KRT77: variants seen among roughly 807,000 people sequenced by gnomAD.
KRT77 encodes the protein keratin, type II cytoskeletal 1b.
KRT77 carries 44 observed loss-of-function variants against 51.5 expected under a neutral mutation model. That is an observed-to-expected ratio of 0.85 (90% CI 0.67 to 1.10). The LOEUF (loss-of-function observed/expected upper bound fraction) is 1.10, where lower values mean the gene tolerates loss of function less well. Ranked by LOEUF, KRT77 falls within the 50% of genes least tolerant of loss-of-function variation. KRT77 has a pLI of 0.00. For missense variants in KRT77, 763 were observed against 743.9 expected, an observed-to-expected ratio of 1.03 and a Z score of -0.30; for synonymous variants, 293 against 302.0, an observed-to-expected ratio of 0.97 and a Z score of 0.31.
Position 52,694,810 on chromosome 12 carries a change from G to T in KRT77, c.916-20C>A. ...CAGCTCCTGCGAGGCATGGCGCACA[G>T]GCTGACTCCTTCCATTCTCCTCTGG... On this transcript the variant is annotated intron_variant, in intron 4 of 8. Coordinates refer to ENST00000341809, the MANE Select transcript of KRT77 (RefSeq NM_175078.3). 1.9e-6 allele frequency: 3 copies of T among 1,582,378 alleles called. No individual in the cohort carries two copies. Among genetic ancestry groups the T allele is most frequent in the Non-Finnish European group, 2.6e-6 (3 of 1,157,692 alleles).
rs756374878 is a variant in KRT77 at position 52,690,092 on chromosome 12, G to C, written c.*1073C>G. 6.6e-6 allele frequency: 1 copy of C among 152,206 alleles called. No individual in the cohort carries two copies. The highest frequency in any genetic ancestry group is 1.9e-4 in the East Asian group (1 of 5,204). The allele number at this position is 152,206 out of a possible 1,614,324, so 9.4% of individuals were successfully genotyped here. On this transcript the variant is annotated 3_prime_UTR_variant, in exon 9 of 9. Coordinates refer to ENST00000341809, the MANE Select transcript of KRT77 (RefSeq NM_175078.3). ...TCAGATCCTCAGACTCCTCAGGCCC[G>C]AGGCACCTGGATGGAACAGAGCTGG...
intron 1 of KRT77, among the ~76,000 whole-genome samples, chr12:52,702,449 T>C (rs1193460416): frequency 6.6e-6 from 1 of 151,498 alleles, no homozygotes; most frequent in Admixed American, 6.6e-5. Flanking sequence ...AAATGGATTG[T>C]GTGGATGGGT....
rs1448286960 is a variant in KRT77 at position 52,693,872 on chromosome 12, A to T, written c.1080+754T>A. On this transcript the variant is annotated intron_variant, in intron 5 of 8. Transcript: ENST00000341809. ...GCCAACATGGCAAAACCCTGCCACT[A>T]CTAAAAATACAAAAATTAGCTTGGT... Among the ~76,000 whole-genome samples the T allele has an allele frequency of 1.3e-5, 2 of 151,364 alleles. 1 individual carries two copies. Among genetic ancestry groups the T allele is most frequent in the Non-Finnish European group, 3.0e-5 (2 of 67,524 alleles).
Position 52,696,447 on chromosome 12 carries a change from A to G in KRT77, c.759-17T>C. ...TCCTCATACCTGTCAGGCGAGGCAA[A>G]GGAGCACAGAAAGGCTGCAGGCTGA... On this transcript the variant is annotated splice_polypyrimidine_tract_variant and intron_variant, in intron 2 of 8. Coordinates refer to ENST00000341809, the MANE Select transcript of KRT77 (RefSeq NM_175078.3). The G allele has an allele frequency of 1.2e-6, 2 of 1,612,986 alleles. No individual in the cohort carries two copies. The highest frequency in any genetic ancestry group is 1.7e-6 in the Non-Finnish European group (2 of 1,178,936).
Position 52,703,042 on chromosome 12 carries a change from A to T in KRT77, c.393T>A (p.Cys131Ter). The change falls in exon 1 of 9, where the codon TGT becomes TGA. Residue 131 changes from cysteine to a stop codon, truncating the protein, a stop_gained. Coordinates refer to ENST00000341809, the MANE Select transcript of KRT77 (RefSeq NM_175078.3). LOFTEE classifies it high-confidence loss of function. ...NFGLGGFGPY[C>*]PPGGIQEVTI... ...TCACCTCTTGGATGCCCCCAGGAGG[A>T]CAATAAGGACCAAAGCCCCCAAGCC... 1 of 1,613,858 alleles carries T rather than the reference A, an allele frequency of 6.2e-7. No homozygotes were observed.
intron 5 of KRT77, among the ~76,000 whole-genome samples, chr12:52,694,059 A>T (rs971973542): frequency 2.6e-5 from 4 of 151,924 alleles, no homozygotes; most frequent in Non-Finnish European, 5.9e-5. Context: ...AAGTAAAAAA[A>T]ATATATTTTA....
chr12:52,701,029 C>T (rs1297243592), intron 1 of KRT77, among the ~76,000 whole-genome samples: 2 of 152,204 alleles, frequency 1.3e-5, no homozygotes, highest in East Asian at 1.9e-4. Context: ...CCATGCCCTT[C>T]GAAGGACAGG....
Position 52,691,923 on chromosome 12 carries a change from G to A in KRT77, c.1462+15C>T. The stretch of plus-strand genomic sequence containing the variant: ...CACCACCAGCCTCTCTCTGCCCCTG[G>A]GCTCTGCTACTTACAGATGCTCACA... On this transcript the variant is annotated intron_variant, in intron 8 of 8. Coordinates refer to ENST00000341809, the MANE Select transcript of KRT77 (RefSeq NM_175078.3). The A allele has an allele frequency of 3.1e-6, 5 of 1,613,822 alleles. No individual in the cohort carries two copies. Among genetic ancestry groups the A allele is most frequent in the Non-Finnish European group, 4.2e-6 (5 of 1,180,026 alleles).
chr12:52,701,008 G>A (rs1356305583), intron 1 of KRT77, among the ~76,000 whole-genome samples: 1 of 152,184 alleles, frequency 6.6e-6, no homozygotes, highest in African/African-American at 2.4e-5. Flanking sequence ...TCTCCTCATA[G>A]TCATCATAGG....
At chr12:52,699,058 C>T (rs1941844805) in intron 1 of KRT77, among the ~76,000 whole-genome samples, 1 of 152,186 alleles carries the variant, frequency 6.6e-6, no homozygotes, top group African/African-American at 2.4e-5. Flanking sequence ...GACAACACAA[C>T]CTCCCATGGC....
At chr12:52,697,338 T>C (rs1198566340) in intron 2 of KRT77, among the ~76,000 whole-genome samples, 1 of 152,206 alleles carries the variant, frequency 6.6e-6, no homozygotes, top group Non-Finnish European at 1.5e-5. Context: ...ACAAGGAAGG[T>C]TCTTGCTATT....
rs1941764268 is a variant in KRT77 at position 52,694,628 on chromosome 12, T to C, written c.1078A>G (p.Lys360Glu). Residue 360 changes from lysine (K) to glutamate (E), a missense_variant and splice_region_variant, in exon 5 of 9, where the codon AAG becomes GAG. Physicochemically the swap from Lys to Glu is moderately conservative, Grantham distance 56. Coordinates refer to ENST00000341809, the MANE Select transcript of KRT77 (RefSeq NM_175078.3). ...KDEAEALYQTKYQELQITAGR... is the reference protein window; with the variant it reads ...KDEAEALYQTEYQELQITAGR... ...CCAGATCTGGGGGCCACGCCCACCT[T>C]GGTCTGGTACAGGGCTTCGGCCTCG... 1.9e-6 allele frequency: 3 copies of C among 1,594,288 alleles called. No homozygotes were observed. The highest frequency in any genetic ancestry group is 2.6e-6 in the Non-Finnish European group (3 of 1,167,600).
At chr12:52,695,741 G>T (rs764078411) in intron 4 of KRT77, 31 bp downstream of exon 4, 1 of 1,481,366 alleles carries the variant, frequency 6.8e-7, no homozygotes. Context: ...TGTGAGAAAA[G>T]AAAGGAGGTT....
chr12:52,699,086 A>T (rs950440993), intron 1 of KRT77, among the ~76,000 whole-genome samples: 1 of 152,186 alleles, frequency 6.6e-6, no homozygotes, highest in African/African-American at 2.4e-5. Flanking sequence ...TGCTCACCTT[A>T]TCAAAGCAAG....
chr12:52,692,067 C>T, intron 7 of KRT77, 95 bp from the exon 8 acceptor site: 1 of 1,359,608 alleles, frequency 7.4e-7, no homozygotes, highest in Non-Finnish European at 1.0e-6. Flanking sequence ...GTCCCCAAGC[C>T]TTAGGGAAAT....
At position 52,694,371 on chromosome 12, in the gene KRT77, G is replaced by C. The variant is rs532995101; in HGVS notation, c.1080+255C>G. 3.9e-5 allele frequency among the ~76,000 whole-genome samples: 6 copies of C among 152,318 alleles called. No individual in the cohort carries two copies. In the South Asian group the frequency reaches 1.2e-3, roughly 32 times the overall value. On this transcript the variant is annotated intron_variant, in intron 5 of 8. Coordinates refer to ENST00000341809, the MANE Select transcript of KRT77 (RefSeq NM_175078.3). ...TTGGGTTTTTGCAAAAGTAATTGCA[G>C]TTCTCGTCATTACTTTTAATGGCGA...
At chr12:52,698,991 G>A (rs1252703982) in intron 1 of KRT77, among the ~76,000 whole-genome samples, 1 of 152,198 alleles carries the variant, frequency 6.6e-6, no homozygotes, top group African/African-American at 2.4e-5. Flanking sequence ...CCCCTCTGAG[G>A]GGCCAACCCT....
intron 1 of KRT77, among the ~76,000 whole-genome samples, chr12:52,701,441 GC>G (rs1941886132): frequency 6.6e-6 from 1 of 152,178 alleles, no homozygotes; most frequent in Non-Finnish European, 1.5e-5. Context: ...TCAGAGGCCT[GC>G]CCTGCCACCC....
chr12:52,693,277 G>C (rs61176844), intron 5 of KRT77, among the ~76,000 whole-genome samples: 1 of 150,622 alleles, frequency 6.6e-6, no homozygotes, highest in East Asian at 1.9e-4. Context: ...CTCCCTAGCA[G>C]TCAAGCAGGA....
Sources: gnomAD v4.1 joint callset for allele counts (sites outside exome capture counted in the v4.1 genomes callset) on GRCh38, gnomAD v4.1.1 for gene constraint, MANE v1.5 for transcripts, NCBI Gene and HGNC (gene_info 2026-07-23, HGNC 2026-07-21) for gene names.